Variants in CCDC178 observed in about 807,000 individuals in gnomAD.
CCDC178 encodes the protein coiled-coil domain-containing protein 178.
CCDC178 carries 126 observed loss-of-function variants against 117.4 expected under a neutral mutation model. That is an observed-to-expected ratio of 1.07 (90% CI 0.93 to 1.24). The LOEUF (loss-of-function observed/expected upper bound fraction) is 1.24. Among genes scored for constraint, CCDC178 ranks in the 50% most tolerant of loss-of-function variants. The pLI is 0.00. For synonymous variants in CCDC178, 283 were observed against 313.4 expected (o/e 0.90, Z 1.02); for missense variants, 1,030 against 986.9 (o/e 1.04, Z -0.59).
In CCDC178 at chr18:33,339,644, C is replaced by G. The variant is rs1405829809; in HGVS notation, c.659-6250G>C. Reference sequence around the variant, plus strand: ...AATTCCCACATGTTGTGGAAGGGACCCAGGGGGAGGTAACTGAATCGGCAG... The same window carrying G: ...AATTCCCACATGTTGTGGAAGGGACGCAGGGGGAGGTAACTGAATCGGCAG... On this transcript the variant is annotated intron_variant, in intron 9 of 22. Coordinates refer to ENST00000383096, the MANE Select transcript of CCDC178 (RefSeq NM_001105528.4). Among the ~76,000 whole-genome samples the G allele has an allele frequency of 4.0e-5, 6 of 151,730 alleles. No individual in the cohort carries two copies. In the East Asian group the frequency reaches 7.7e-4, roughly 20 times the overall value.
intron 22 of CCDC178, 121 bp from the exon 23 acceptor site, chr18:32,938,212 T>A (rs1307920171): frequency 2.5e-5 from 17 of 684,206 alleles, no homozygotes; most frequent in Non-Finnish European, 3.9e-5. Flanking sequence ...ACAAACACCA[T>A]TACATTCTCC....
chr18:33,227,532 A>ATGTG (rs750171342), intron 15 of CCDC178, among the ~76,000 whole-genome samples: 5 of 121,678 alleles, frequency 4.1e-5, no homozygotes, highest in Admixed American at 8.7e-5. Context: ...AGATATATGT[A>ATGTG]TGTGTGTGTG....
chr18:33,012,495 G>T (rs1445604705), intron 21 of CCDC178, among the ~76,000 whole-genome samples: 1 of 152,184 alleles, frequency 6.6e-6, no homozygotes, highest in Non-Finnish European at 1.5e-5. Flanking sequence ...TAAATAAAAA[G>T]TTCCTATATA....
chr18:33,064,464 C>T (rs1454994257), intron 21 of CCDC178, among the ~76,000 whole-genome samples: 1 of 152,308 alleles, frequency 6.6e-6, no homozygotes, highest in East Asian at 1.9e-4. Context: ...GATTTCTGAA[C>T]TTGAAGACAG....
At chr18:33,394,951 A>ATG (rs1213699685) in intron 4 of CCDC178, among the ~76,000 whole-genome samples, 1 of 111,832 alleles carries the variant, frequency 8.9e-6, no homozygotes, top group Non-Finnish European at 1.9e-5. Context: ...GTGTATATAT[A>ATG]TATATATATA....
intron 3 of CCDC178, among the ~76,000 whole-genome samples, chr18:33,407,740 A>G (rs1012003995): frequency 3.3e-5 from 5 of 152,094 alleles, no homozygotes; most frequent in Admixed American, 3.3e-4. Context: ...AATAGTGAAT[A>G]GAAGATAAAC....
At chr18:33,022,455 T>A (rs528060238) in intron 21 of CCDC178, among the ~76,000 whole-genome samples, 104 of 152,306 alleles carry the variant, frequency 6.8e-4, no homozygotes, top group African/African-American at 2.3e-3. Context: ...TTAAGACAAT[T>A]ATATTACACA....
At chr18:32,976,687 G>A (rs1002673479) in intron 21 of CCDC178, among the ~76,000 whole-genome samples, 6 of 151,670 alleles carry the variant, frequency 4.0e-5, no homozygotes, top group Non-Finnish European at 8.8e-5. Context: ...TTTTTATACT[G>A]GTCTTTATTA....
chr18:33,391,159 A>G (rs1013232565), intron 4 of CCDC178, among the ~76,000 whole-genome samples: 1 of 151,654 alleles, frequency 6.6e-6, no homozygotes. Flanking sequence ...TAAAATGTAT[A>G]CAATTATTTT....
chr18:33,060,858 A>T (rs2056909901), intron 21 of CCDC178, among the ~76,000 whole-genome samples: 1 of 152,152 alleles, frequency 6.6e-6, no homozygotes, highest in Admixed American at 6.5e-5. Context: ...TAATCAAAAC[A>T]AGGCACAAAA....
chr18:33,131,758 C>T (rs2144257652), intron 20 of CCDC178, among the ~76,000 whole-genome samples: 1 of 151,846 alleles, frequency 6.6e-6, no homozygotes, highest in East Asian at 1.9e-4. Context: ...GTTTCCTTAA[C>T]AGTAAATAAT....
intron 4 of CCDC178, among the ~76,000 whole-genome samples, chr18:33,391,299 A>G (rs1199415272): frequency 6.6e-6 from 1 of 151,982 alleles, no homozygotes; most frequent in Admixed American, 6.6e-5. Context: ...GCAATAAAAC[A>G]GCATATTGTA....
rs199500968 is a variant in CCDC178, at chr18:33,430,107, CA to C, written c.-23+9854del. On this transcript the variant is annotated intron_variant, in intron 2 of 22. Transcript: ENST00000383096. ...ATCTGTATCTACAAAGAGTTATCTACAAAAAAAATACTTTTGTTGTTCTAAA... is the reference window on the plus strand; with the variant it reads ...ATCTGTATCTACAAAGAGTTATCTACAAAAAAATACTTTTGTTGTTCTAAA... 1.0e-2 allele frequency among the ~76,000 whole-genome samples: 1,516 copies of C among 151,776 alleles called. 32 individuals are homozygous for C. Among genetic ancestry groups the C allele is most frequent in the African/African-American group, 0.035 (1,440 of 41,432 alleles).
rs56821861 is a variant in CCDC178 at position 32,946,946 on chromosome 18, A to T, written c.2524-8855T>A. Among the ~76,000 whole-genome samples, 1,316 of 151,486 alleles carry T rather than the reference A, an allele frequency of 8.7e-3. 20 individuals are homozygous for T. The highest frequency in any genetic ancestry group is 0.03 in the African/African-American group (1,253 of 41,300). On this transcript the variant is annotated intron_variant, in intron 22 of 22. Coordinates refer to ENST00000383096, the MANE Select transcript of CCDC178 (RefSeq NM_001105528.4). ...CGGCACGCACCACCACGCCCGGCTA[A>T]TTTTTTTGTATTTTTAGTAGAGACG...
intron 21 of CCDC178, among the ~76,000 whole-genome samples, chr18:33,021,968 G>T (rs977700795): frequency 3.3e-5 from 5 of 151,986 alleles, no homozygotes; most frequent in Non-Finnish European, 7.4e-5. Flanking sequence ...TGTTCTAAAA[G>T]CAATAGGTAT....
chr18:33,285,688 T>C (rs2060090420), intron 12 of CCDC178, among the ~76,000 whole-genome samples: 1 of 152,094 alleles, frequency 6.6e-6, no homozygotes. Context: ...ATACATCACC[T>C]CAATAGGTCA....
At chr18:33,236,109 T>C (rs2059423627) in intron 15 of CCDC178, among the ~76,000 whole-genome samples, 1 of 152,214 alleles carries the variant, frequency 6.6e-6, no homozygotes. Context: ...AAATTCTACC[T>C]CTAGAGTTTC....
intron 2 of CCDC178, among the ~76,000 whole-genome samples, chr18:33,416,210 G>T (rs553676426): frequency 9.2e-5 from 14 of 152,284 alleles, no homozygotes; most frequent in Admixed American, 2.6e-4. Context: ...GGTGGATCAT[G>T]AGGCCAGGAG....
chr18:33,191,266 T>C (rs1184978623), intron 20 of CCDC178, among the ~76,000 whole-genome samples: 3 of 152,126 alleles, frequency 2.0e-5, no homozygotes, highest in African/African-American at 7.2e-5. Flanking sequence ...GTCTCTCCAA[T>C]ACATAGTGAG....
Sources: gnomAD v4.1 joint callset for allele counts (sites outside exome capture counted in the v4.1 genomes callset) on GRCh38, gnomAD v4.1.1 for gene constraint, MANE v1.5 for transcripts, NCBI Gene and HGNC (gene_info 2026-07-23, HGNC 2026-07-21) for gene names.